Variants in RNF220 observed in about 807,000 individuals in gnomAD.
The protein encoded by RNF220 is E3 ubiquitin-protein ligase RNF220.
A neutral mutation model predicts 67.1 loss-of-function variants in RNF220; 7 were observed. That is an observed-to-expected ratio of 0.10 (90% CI 0.06 to 0.20). The LOEUF is 0.20. Among genes scored for constraint, RNF220 ranks in the 10% least tolerant of loss-of-function variants. The pLI is 1.00. For missense variants in RNF220, 565 were observed against 740.3 expected (o/e 0.76, Z 2.75); for synonymous variants, 270 against 283.2 (o/e 0.95, Z 0.47).
chr1:44,644,933 G>A, intron 9 of RNF220, 62 bp from the exon 10 acceptor site: 1 of 1,591,856 alleles, frequency 6.3e-7, no homozygotes, highest in Non-Finnish European at 8.6e-7. Flanking sequence ...ATGCTCTCCT[G>A]AGGATTCAAC....
intron 2 of RNF220, among the ~76,000 whole-genome samples, chr1:44,481,533 G>A (rs1044339010): frequency 6.6e-6 from 1 of 152,188 alleles, no homozygotes; most frequent in African/African-American, 2.4e-5. Context: ...CACAGGGCCT[G>A]TTGGGAGCTG....
At chr1:44,538,918 GAAA>G (rs35240810) in intron 2 of RNF220, among the ~76,000 whole-genome samples, 8 of 77,882 alleles carry the variant, frequency 1.0e-4, no homozygotes, top group East Asian at 4.3e-4. Flanking sequence ...TCCATCTAGG[GAAA>G]AAAAAAAAAA....
rs56409207 is a variant in RNF220, at chr1:44,527,925, C to CAAAAAAAAAAAAAAAAAAAAAAAAAA, written c.626-86239_626-86214dup. Reference sequence around the variant, plus strand: ...TGGGTGACAGAGCAAGACTCCATCCCAAAAAAAAAAAAAAAAAAAAAAAAA... The same window carrying CAAAAAAAAAAAAAAAAAAAAAAAAAA: ...TGGGTGACAGAGCAAGACTCCATCCCAAAAAAAAAAAAAAAAAAAAAAAAAAAAAAAAAAAAAAAAAAAAAAAAAAA... On this transcript the variant is annotated intron_variant, in intron 2 of 14. Coordinates refer to ENST00000361799, the MANE Select transcript of RNF220 (RefSeq NM_018150.4). Among the ~76,000 whole-genome samples the CAAAAAAAAAAAAAAAAAAAAAAAAAA allele has an allele frequency of 7.1e-5, 4 of 56,206 alleles. 2 individuals are homozygous for CAAAAAAAAAAAAAAAAAAAAAAAAAA. The highest frequency in any genetic ancestry group is 2.0e-4 in the African/African-American group (2 of 9,834). The allele number at this position is 56,206 out of a possible 152,430, so 36.9% of individuals were successfully genotyped here.
intron 2 of RNF220, among the ~76,000 whole-genome samples, chr1:44,497,337 T>TCACA (rs1657424501): frequency 4.0e-5 from 2 of 50,206 alleles, no homozygotes; most frequent in Non-Finnish European, 8.5e-5. Context: ...TCCCCTTCCC[T>TCACA]GACACACACA....
At position 44,572,952 on chromosome 1, in the gene RNF220, A is replaced by G. The variant is rs1478996894; in HGVS notation, c.626-41213A>G. On this transcript the variant is annotated intron_variant, in intron 2 of 14. Transcript: ENST00000361799. ...TCCAGGTGGAAATCACGTTGAATGA[A>G]ATGGATAAAGATGTGGAGACTTGAA... is the stretch of plus-strand genomic sequence containing the variant. 4 of 387,056 alleles carry G rather than the reference A, an allele frequency of 1.0e-5. No individual in the cohort carries two copies. The East Asian group carries it at 3.5e-4, about 33-fold the overall frequency. 24.0% of individuals were successfully genotyped at this position (387,056 alleles called of 1,614,324 possible).
chr1:44,532,949 C>T (rs1169413498), intron 2 of RNF220, among the ~76,000 whole-genome samples: 1 of 152,152 alleles, frequency 6.6e-6, no homozygotes, highest in Non-Finnish European at 1.5e-5. Context: ...GGTGCAGCTG[C>T]GTTGCTCTGT....
At chr1:44,607,817 A>G (rs976614917) in intron 2 of RNF220, among the ~76,000 whole-genome samples, 3 of 151,434 alleles carry the variant, frequency 2.0e-5, no homozygotes, top group Admixed American at 6.6e-5. Flanking sequence ...CTAGAGCACC[A>G]CTTCCCCCAA....
At chr1:44,481,834 A>G (rs940850119) in intron 2 of RNF220, among the ~76,000 whole-genome samples, 1 of 152,238 alleles carries the variant, frequency 6.6e-6, no homozygotes. Context: ...ACTGACAGTC[A>G]AGAAACAGAG....
chr1:44,516,285 G>C (rs904283190), intron 2 of RNF220, among the ~76,000 whole-genome samples: 1 of 152,170 alleles, frequency 6.6e-6, no homozygotes, highest in African/African-American at 2.4e-5. Flanking sequence ...AAACACTATG[G>C]TAAGTGCTAA....
intron 2 of RNF220, among the ~76,000 whole-genome samples, chr1:44,454,044 A>G (rs1230788235): frequency 6.6e-6 from 1 of 152,210 alleles, no homozygotes; most frequent in East Asian, 1.9e-4. Context: ...TGAGAGGGAA[A>G]GAGTCAAAAC....
chr1:44,563,018 A>C (rs542416546), intron 2 of RNF220, among the ~76,000 whole-genome samples: 20 of 152,344 alleles, frequency 1.3e-4, no homozygotes, highest in Non-Finnish European at 2.8e-4. Context: ...CCCTGTAACC[A>C]AAAAACATGG....
chr1:44,610,590 G>T (rs138795519), intron 2 of RNF220, among the ~76,000 whole-genome samples: 3 of 152,306 alleles, frequency 2.0e-5, no homozygotes, highest in African/African-American at 7.2e-5. Flanking sequence ...GCCAGCTTTT[G>T]GGGGTTGGGG....
chr1:44,515,990 C>G (rs574810013), intron 2 of RNF220, among the ~76,000 whole-genome samples: 2 of 152,182 alleles, frequency 1.3e-5, no homozygotes, highest in Non-Finnish European at 2.9e-5. Context: ...GAAGATGAGA[C>G]GCTAAAACCT....
chr1:44,632,738 G>C (rs1426310139), intron 6 of RNF220: 1 of 383,404 alleles, frequency 2.6e-6, no homozygotes, highest in Non-Finnish European at 4.9e-6. Context: ...AGGGCGCTGA[G>C]AATGTTTTTC....
At chr1:44,631,501 G>C (rs1304377078) in intron 5 of RNF220, among the ~76,000 whole-genome samples, 2 of 152,248 alleles carry the variant, frequency 1.3e-5, no homozygotes, top group Non-Finnish European at 2.9e-5. Context: ...TGTTGGCCAT[G>C]TTGGCCGTGT....
At chr1:44,501,085 A>G (rs1231522906) in intron 2 of RNF220, among the ~76,000 whole-genome samples, 1 of 143,184 alleles carries the variant, frequency 7.0e-6, no homozygotes, top group African/African-American at 2.6e-5. Flanking sequence ...GGGAGACAAT[A>G]GGAGAGCCCA....
Position 44,565,848 on chromosome 1 carries a change from T to C in RNF220, c.626-48317T>C, listed in dbSNP as rs1286875207. 6.6e-6 allele frequency among the ~76,000 whole-genome samples: 1 copy of C among 152,186 alleles called. No individual in the cohort carries two copies. Among genetic ancestry groups the C allele is most frequent in the East Asian group, 1.9e-4 (1 of 5,194 alleles). On this transcript the variant is annotated intron_variant, in intron 2 of 14. Transcript: ENST00000361799. The surrounding 1 kb of genome is among the most constrained non-coding windows in gnomAD (Gnocchi z 4.2). ...CCAGTCCTCCTGCTGCAGTCTTACC[T>C]GTCCTCTGAAGCCAGTTTGCTAAGT... is the stretch of plus-strand genomic sequence containing the variant.
intron 2 of RNF220, among the ~76,000 whole-genome samples, chr1:44,528,360 G>T (rs1051348600): frequency 6.6e-6 from 1 of 151,836 alleles, no homozygotes; most frequent in African/African-American, 2.4e-5. Flanking sequence ...GAGTCCAGTG[G>T]CGCTATCTCG....
rs758804826 is a variant in RNF220 at position 44,606,672 on chromosome 1, T to C, written c.626-7493T>C. ...TGATGCCTTAAACTTCCTCTAACTGTAAACGAAGGTTCTGTTCCAGACACT... is the reference window on the plus strand; with the variant it reads ...TGATGCCTTAAACTTCCTCTAACTGCAAACGAAGGTTCTGTTCCAGACACT... On this transcript the variant is annotated intron_variant, in intron 2 of 14. Coordinates refer to ENST00000361799, the MANE Select transcript of RNF220 (RefSeq NM_018150.4). This position sits in a 1 kb window ranked among gnomAD's most constrained non-coding sequence, Gnocchi z 4.2. Among the ~76,000 whole-genome samples the C allele has an allele frequency of 6.6e-5, 10 of 152,178 alleles. No individual in the cohort carries two copies. The highest frequency in any genetic ancestry group is 2.0e-4 in the Admixed American group (3 of 15,270).
Sources: gnomAD v4.1 joint callset for allele counts (sites outside exome capture counted in the v4.1 genomes callset) on GRCh38, gnomAD v4.1.1 for gene constraint, Gnocchi (gnomAD v3.1) non-coding constraint, MANE v1.5 for transcripts, NCBI Gene and HGNC (gene_info 2026-07-23, HGNC 2026-07-21) for gene names.